Variants in UBASH3B observed in about 807,000 individuals in gnomAD.
The protein encoded by UBASH3B is ubiquitin associated and SH3 domain containing B.
A neutral mutation model predicts 83.4 loss-of-function variants in UBASH3B; 37 were observed. The ratio of observed to expected loss-of-function variants is 0.44; its 90% CI spans 0.34 to 0.58. The LOEUF is 0.58. UBASH3B is among the 20% of genes least tolerant of loss of function. The probability of loss-of-function intolerance (pLI) is 0.01; values close to 1 mark genes in which losing one functional copy is unlikely to be tolerated. For synonymous variants in UBASH3B, 304 were observed against 318.3 expected (o/e 0.96, Z 0.48); for missense variants, 657 against 827.2 (o/e 0.79, Z 2.52).
rs145442296 is a variant in UBASH3B, at chr11:122,692,887, C to A, written c.161+36677C>A. 2.8e-3 allele frequency among the ~76,000 whole-genome samples: 429 copies of A among 152,280 alleles called. 6 individuals are homozygous for A. Among genetic ancestry groups the A allele is most frequent in the Admixed American group, 0.021 (322 of 15,296 alleles). ...GATAAGTGTCCGAGTGAAGAGACCA[C>A]CAAACAGGTGGTGTGTGAGCAACAA... On this transcript the variant is annotated intron_variant, in intron 1 of 13. Coordinates refer to ENST00000284273, the MANE Select transcript of UBASH3B (RefSeq NM_032873.5).
At chr11:122,686,935 T>C (rs985133808) in intron 1 of UBASH3B, among the ~76,000 whole-genome samples, 1 of 152,090 alleles carries the variant, frequency 6.6e-6, no homozygotes, top group Admixed American at 6.6e-5. Flanking sequence ...TGGTGCGGTC[T>C]GGGCTCACTG....
chr11:122,810,104 C>A lies in UBASH3B; in HGVS notation c.*218C>A. ...GTTCTCTCTGGACTCTTGCCTAGCT[C>A]ACAAGGCTTTGGAGAATTGTCTTCC... is the stretch of plus-strand genomic sequence containing the variant. On this transcript the variant is annotated 3_prime_UTR_variant, in exon 14 of 14. Coordinates refer to ENST00000284273, the MANE Select transcript of UBASH3B (RefSeq NM_032873.5). 1.9e-6 allele frequency: 1 copy of A among 515,336 alleles called. No homozygotes were observed. The highest frequency in any genetic ancestry group is 3.3e-6 in the Non-Finnish European group (1 of 300,026). 31.9% of individuals were successfully genotyped at this position (515,336 alleles called of 1,614,324 possible). A position where few individuals can be genotyped will look rare whatever the true frequency, so the allele number is the denominator to read the frequency against.
Position 122,799,147 on chromosome 11 carries a change from T to A in UBASH3B, c.1450+113T>A. 8.0e-6 allele frequency: 7 copies of A among 875,532 alleles called. No homozygotes were observed. In the South Asian group the frequency reaches 1.1e-4, roughly 14 times the overall value. 54.2% of individuals were successfully genotyped at this position (875,532 alleles called of 1,614,324 possible). A position where few individuals can be genotyped will look rare whatever the true frequency, so the allele number is the denominator to read the frequency against. Reference sequence around the variant, plus strand: ...ATTTGCCAGTTGAAAGCTTTGAATCTGGAATGAAGCAAGGATTCTTTCAGA... The same window carrying A: ...ATTTGCCAGTTGAAAGCTTTGAATCAGGAATGAAGCAAGGATTCTTTCAGA... On this transcript the variant is annotated intron_variant, in intron 10 of 13. Transcript: ENST00000284273.
intron 1 of UBASH3B, among the ~76,000 whole-genome samples, chr11:122,716,015 C>G (rs1449490394): frequency 6.6e-6 from 1 of 152,254 alleles, no homozygotes; most frequent in East Asian, 1.9e-4. Flanking sequence ...CTTTCTCTTT[C>G]CAGTATTGGA....
At chr11:122,688,903 A>C (rs1318766573) in intron 1 of UBASH3B, among the ~76,000 whole-genome samples, 6 of 151,344 alleles carry the variant, frequency 4.0e-5, no homozygotes, top group Non-Finnish European at 7.4e-5. Flanking sequence ...CTGGGCCTCC[A>C]AAAGTGCTGG....
chr11:122,794,726 G>A lies in UBASH3B; in HGVS notation c.1005G>A (p.Ser335=), dbSNP rs149567879. The A allele has an allele frequency of 5.5e-5, 89 of 1,613,854 alleles. 1 individual carries two copies. Among genetic ancestry groups the A allele is most frequent in the Middle Eastern group, 1.6e-4 (1 of 6,080 alleles). Residue 335 remains serine (S), a synonymous_variant, in exon 7 of 14, where the codon TCG becomes TCA. Transcript: ENST00000284273. The stretch of plus-strand genomic sequence containing the variant: ...GTTCTTATTCAATCTTAAATACATC[G>A]TCATCCAACTCTCTCACGTTTGGGG... ...FHGSYSILNT[S]SSNSLTFGDG... is the part of the protein sequence containing the mutation.
At chr11:122,761,716 C>T (rs1443620594) in intron 1 of UBASH3B, among the ~76,000 whole-genome samples, 1 of 149,516 alleles carries the variant, frequency 6.7e-6, no homozygotes, top group Non-Finnish European at 1.5e-5. Context: ...GAAAAAACAG[C>T]TAGTCTCTGT....
chr11:122,801,217 C>T lies in UBASH3B; in HGVS notation c.1480C>T (p.Arg494Cys), dbSNP rs142027053. Reference protein sequence around the residue: ...GLQQENHLKIRVEPGLFEWTK... With the variant: ...GLQQENHLKICVEPGLFEWTK... ...ACAACAAGAAAATCACTTGAAGATC[C>T]GTGTAGAGCCCGGCTTATTTGAGTG... is the stretch of plus-strand genomic sequence containing the variant. The change falls in exon 11 of 14, where the codon CGT becomes TGT. Residue 494 changes from arginine (R) to cysteine (C), a missense_variant. Physicochemically the swap from Arg to Cys is radical, Grantham distance 180. Transcript: ENST00000284273. 1.2e-5 allele frequency: 20 copies of T among 1,614,012 alleles called. No homozygotes were observed. The highest frequency in any genetic ancestry group is 6.7e-5 in the African/African-American group (5 of 74,898).
At chr11:122,760,543 A>C (rs1197625360) in intron 1 of UBASH3B, among the ~76,000 whole-genome samples, 2 of 152,006 alleles carry the variant, frequency 1.3e-5, no homozygotes, top group Non-Finnish European at 2.9e-5. Flanking sequence ...TTGTATTTTT[A>C]GTAGAGACGG....
At chr11:122,709,522 T>A (rs56256169) in intron 1 of UBASH3B, 5,767 of 152,172 alleles carry the variant, frequency 0.038, 153 homozygotes, top group Non-Finnish European at 0.06. Flanking sequence ...GGGGAACATG[T>A]GTGGGTGTTG....
intron 1 of UBASH3B, among the ~76,000 whole-genome samples, chr11:122,763,806 G>A (rs773028807): frequency 6.6e-5 from 10 of 152,208 alleles, no homozygotes; most frequent in Non-Finnish European, 4.4e-5. Context: ...AAGGAAATGT[G>A]TAGAGCCATT....
rs1387873105 is a variant in UBASH3B at position 122,759,980 on chromosome 11, C to T, written c.162-16239C>T. ...AGGGAATTATACAAAGGAGTGAACA[C>T]CAGAAGTTAGGATTACTAAGGTGTC... On this transcript the variant is annotated intron_variant, in intron 1 of 13. Transcript: ENST00000284273. The surrounding 1 kb of genome is among the most constrained non-coding windows in gnomAD (Gnocchi z 4.1). 1.3e-5 allele frequency among the ~76,000 whole-genome samples: 2 copies of T among 152,162 alleles called. No homozygotes were observed. Among genetic ancestry groups the T allele is most frequent in the Non-Finnish European group, 2.9e-5 (2 of 68,036 alleles).
chr11:122,662,972 C>CGTTTTTT (rs1863465698), intron 1 of UBASH3B, among the ~76,000 whole-genome samples: 1 of 110,596 alleles, frequency 9.0e-6, no homozygotes. Flanking sequence ...GCGCTAATGT[C>CGTTTTTT]TTTTTTTTTT....
chr11:122,809,679 G>A lies in UBASH3B; in HGVS notation c.1813-70G>A, dbSNP rs1187631239. 6 of 1,532,714 alleles carry A rather than the reference G, an allele frequency of 3.9e-6. No individual in the cohort carries two copies. In the South Asian group the frequency reaches 7.1e-5, roughly 18 times the overall value. The allele number at this position is 1,532,714 out of a possible 1,614,324, so 94.9% of individuals were successfully genotyped here. On this transcript the variant is annotated intron_variant, in intron 13 of 13. Coordinates refer to ENST00000284273, the MANE Select transcript of UBASH3B (RefSeq NM_032873.5). ...TCTCTAGGGCCACATGAATATCTTT[G>A]TATTTAGGTAAAAGTTAAAGCATTA...
rs150709717 is a variant in UBASH3B at position 122,732,406 on chromosome 11, G to A, written c.162-43813G>A. On this transcript the variant is annotated intron_variant, in intron 1 of 13. Coordinates refer to ENST00000284273, the MANE Select transcript of UBASH3B (RefSeq NM_032873.5). ...CTAAGGCATATTTATGAGTTGGTTC[G>A]CTTGATTTATTATTTGTAAACATTT... 6.6e-5 allele frequency among the ~76,000 whole-genome samples: 10 copies of A among 152,266 alleles called. No individual in the cohort carries two copies. The East Asian group carries it at 1.5e-3, about 23-fold the overall frequency.
intron 1 of UBASH3B, among the ~76,000 whole-genome samples, chr11:122,677,212 G>T (rs1388108426): frequency 6.6e-6 from 1 of 152,166 alleles, no homozygotes; most frequent in Non-Finnish European, 1.5e-5. Context: ...ATGATTTAAA[G>T]TACACAGGAG....
chr11:122,793,650 G>T (rs1861098865), intron 6 of UBASH3B, among the ~76,000 whole-genome samples: 1 of 152,162 alleles, frequency 6.6e-6, no homozygotes, highest in Non-Finnish European at 1.5e-5. Flanking sequence ...AAAGCTTTGT[G>T]GAAGTCTTAA....
chr11:122,749,705 T>G (rs748631922), intron 1 of UBASH3B, among the ~76,000 whole-genome samples: 34 of 152,224 alleles, frequency 2.2e-4, no homozygotes, highest in Non-Finnish European at 4.6e-4. Context: ...AATCGCTATT[T>G]GAGAGGTAAT....
chr11:122,735,929 G>T (rs1860925051), intron 1 of UBASH3B, among the ~76,000 whole-genome samples: 1 of 152,184 alleles, frequency 6.6e-6, no homozygotes, highest in Admixed American at 6.5e-5. Flanking sequence ...GTAACAGGGA[G>T]TCCCTGAAGG....
Sources: allele counts gnomAD v4.1 joint callset (sites outside exome capture counted in the v4.1 genomes callset), GRCh38; gene constraint gnomAD v4.1.1; non-coding constraint Gnocchi (gnomAD v3.1); transcripts MANE v1.5; gene names NCBI Gene and HGNC (gene_info 2026-07-23, HGNC 2026-07-21).